ADD3: variants seen among roughly 807,000 people sequenced by gnomAD.
ADD3 encodes the protein adducin 3, also known as gamma-adducin.
ADD3 carries 25 observed loss-of-function variants against 80.2 expected under a neutral mutation model. The ratio of observed to expected loss-of-function variants is 0.31; its 90% CI spans 0.23 to 0.44. The LOEUF (loss-of-function observed/expected upper bound fraction) is 0.44. Among genes scored for constraint, ADD3 ranks in the 20% least tolerant of loss-of-function variants. The pLI, the probability that ADD3 is intolerant of heterozygous loss-of-function variation, is 1.00. For synonymous variants in ADD3, 284 were observed against 289.6 expected (o/e 0.98, Z 0.20); for missense variants, 829 against 847.5 (o/e 0.98, Z 0.27).
chr10:110,099,967 A>G (rs1848611647), intron 1 of ADD3, among the ~76,000 whole-genome samples: 2 of 152,176 alleles, frequency 1.3e-5, no homozygotes, highest in Admixed American at 1.3e-4. Flanking sequence ...ATGACTTTGC[A>G]TATGTGGTAT....
chr10:110,013,467 C>G (rs2132986376), intron 1 of ADD3, among the ~76,000 whole-genome samples: 1 of 152,216 alleles, frequency 6.6e-6, no homozygotes, highest in Admixed American at 6.5e-5. Context: ...TATGCAATTT[C>G]CATAGGATAA....
intron 1 of ADD3, among the ~76,000 whole-genome samples, chr10:109,997,900 A>G (rs976817230): frequency 6.6e-6 from 1 of 152,188 alleles, no homozygotes; most frequent in African/African-American, 2.4e-5. Context: ...CTAACTTTTA[A>G]TAACGATCTA....
intron 1 of ADD3, among the ~76,000 whole-genome samples, chr10:110,090,798 C>T (rs927894312): frequency 7.2e-5 from 11 of 152,050 alleles, no homozygotes; most frequent in African/African-American, 1.2e-4. Context: ...CATTTAGTAC[C>T]GCAGTGGGTT....
At chr10:110,080,042 A>G (rs1456162940) in intron 1 of ADD3, among the ~76,000 whole-genome samples, 1 of 152,230 alleles carries the variant, frequency 6.6e-6, no homozygotes, top group Non-Finnish European at 1.5e-5. Context: ...TAGGGAAGGT[A>G]TAATAGTGCT....
At position 110,008,037 on chromosome 10, in the gene ADD3, AG is replaced by A. The variant is rs1851824575; in HGVS notation, c.-291del. On this transcript the variant is annotated 5_prime_UTR_variant, in exon 1 of 15. Transcript: ENST00000356080. ...CGCCAGTGTGAGGGGCGGGAGGGAA[AG>A]AAGAGGGGTTTAAATTAGATTTTTT... is the stretch of plus-strand genomic sequence containing the variant. The A allele has an allele frequency of 6.6e-6, 1 of 151,988 alleles. No homozygotes were observed. The highest frequency in any genetic ancestry group is 1.5e-5 in the Non-Finnish European group (1 of 68,000). 9.4% of individuals were successfully genotyped at this position (151,988 alleles called of 1,614,324 possible).
At chr10:110,094,629 C>G (rs377091316) in intron 1 of ADD3, among the ~76,000 whole-genome samples, 6 of 152,100 alleles carry the variant, frequency 3.9e-5, no homozygotes, top group African/African-American at 1.4e-4. Flanking sequence ...CTGTCAATTT[C>G]CATGTCAGTT....
At chr10:110,052,559 C>T (rs1857641099) in intron 1 of ADD3, among the ~76,000 whole-genome samples, 1 of 152,188 alleles carries the variant, frequency 6.6e-6, no homozygotes, top group East Asian at 1.9e-4. Flanking sequence ...CCCTTTCTTC[C>T]CGACCCCCAG....
Position 110,119,223 on chromosome 10 carries a change from A to G in ADD3, c.730A>G (p.Lys244Glu). The change falls in exon 7 of 15, where the codon AAA (lysine) becomes GAA (glutamate). Residue 244 changes from lysine (K) to glutamate (E), a missense_variant. Lys to Glu is a moderately conservative substitution (Grantham distance 56). Transcript: ENST00000356080. ...CCAAACCAAATAGGTATCCTCCATG[A>G]AATGTGGGATCCTTCCAATTTCTCA... ...TLATAAVSSM[K>E]CGILPISQES... 6.2e-7 allele frequency: 1 copy of G among 1,614,140 alleles called. No individual in the cohort carries two copies. The highest frequency in any genetic ancestry group is 8.5e-7 in the Non-Finnish European group (1 of 1,180,002).
upstream of ADD3, chr10:110,007,907 G>T (rs1851801080): frequency 1.3e-5 from 2 of 149,324 alleles, no homozygotes; most frequent in African/African-American, 4.9e-5. Context: ...GACCGGGGGG[G>T]GCGCTTGGGG....
At position 110,133,834 on chromosome 10, in the gene ADD3, GT is replaced by G; in HGVS notation, c.*220del. The G allele has an allele frequency of 2.5e-6, 1 of 395,020 alleles. No homozygotes were observed. The highest frequency in any genetic ancestry group is 4.5e-6 in the Non-Finnish European group (1 of 223,516). 24.5% of individuals were successfully genotyped at this position (395,020 alleles called of 1,614,324 possible). A position where few individuals can be genotyped will look rare whatever the true frequency, so the allele number is the denominator to read the frequency against. ...GGCTTTGAATTTTAAGCAATTACTA[GT>G]TTTAATTAGCTCTGCCCTCATGAAG... On this transcript the variant is annotated 3_prime_UTR_variant, in exon 15 of 15. Transcript: ENST00000356080.
chr10:110,082,378 C>T (rs868766156), intron 1 of ADD3, among the ~76,000 whole-genome samples: 1 of 152,206 alleles, frequency 6.6e-6, no homozygotes, highest in African/African-American at 2.4e-5. Context: ...TTACTCTACA[C>T]ACTTCCTGTC....
chr10:110,061,575 G>T (rs1055689563), intron 1 of ADD3, among the ~76,000 whole-genome samples: 2 of 152,178 alleles, frequency 1.3e-5, no homozygotes, highest in Non-Finnish European at 2.9e-5. Context: ...AAATTCAGGT[G>T]CTTGTAGAGG....
intron 2 of ADD3, among the ~76,000 whole-genome samples, chr10:110,110,131 C>A (rs2134027815): frequency 6.6e-6 from 1 of 152,318 alleles, no homozygotes; most frequent in Middle Eastern, 3.4e-3. Flanking sequence ...TCAAATGTCA[C>A]AATTAGTATT....
chr10:110,116,743 G>A (rs1165613141), intron 4 of ADD3, among the ~76,000 whole-genome samples: 1 of 152,202 alleles, frequency 6.6e-6, no homozygotes, highest in African/African-American at 2.4e-5. Context: ...TTTGAGGCAA[G>A]GAAGATAGAG....
At chr10:110,056,154 C>A (rs1052503355) in intron 1 of ADD3, among the ~76,000 whole-genome samples, 1 of 152,188 alleles carries the variant, frequency 6.6e-6, no homozygotes, top group Non-Finnish European at 1.5e-5. Context: ...TGCTACCCTT[C>A]CTTGGCTCTT....
At position 110,123,602 on chromosome 10, in the gene ADD3, A is replaced by G. The variant is rs147622219; in HGVS notation, c.1144-415A>G. Among the ~76,000 whole-genome samples the G allele has an allele frequency of 3.7e-3, 557 of 152,234 alleles. 3 individuals carry two copies. Among genetic ancestry groups the G allele is most frequent in the African/African-American group, 0.013 (525 of 41,526 alleles). ...TGGATAGTAACCCCTTAAAAGATGT[A>G]TGGTTTGGCAAATGTTATTTTAGAT... On this transcript the variant is annotated intron_variant, in intron 9 of 14. Transcript: ENST00000356080.
chr10:110,015,386 T>G (rs1852842483), intron 1 of ADD3, among the ~76,000 whole-genome samples: 1 of 151,550 alleles, frequency 6.6e-6, no homozygotes. Flanking sequence ...GATTTTTTTT[T>G]TTTTTTTGAG....
rs11395254 is a variant in ADD3, at chr10:110,026,282, G to GTTTT, written c.-30+17996_-30+17999dup. 1.2e-3 allele frequency among the ~76,000 whole-genome samples: 160 copies of GTTTT among 135,684 alleles called. 3 individuals are homozygous for GTTTT. The highest frequency in any genetic ancestry group is 4.2e-3 in the African/African-American group (152 of 36,346). The allele number at this position is 135,684 out of a possible 152,430, so 89.0% of individuals were successfully genotyped here. ...TAGAACTTATGACCCCAGTTTTCTTGTTTTTTTTTTTTTTTTGAAACGGAG... is the reference window on the plus strand; with the variant it reads ...TAGAACTTATGACCCCAGTTTTCTTGTTTTTTTTTTTTTTTTTTTTGAAACGGAG... On this transcript the variant is annotated intron_variant, in intron 1 of 14. Coordinates refer to ENST00000356080, the MANE Select transcript of ADD3 (RefSeq NM_016824.5).
chr10:110,031,391 G>A lies in ADD3; in HGVS notation c.-30+23092G>A, dbSNP rs143903533. 3.4e-3 allele frequency among the ~76,000 whole-genome samples: 519 copies of A among 152,290 alleles called. 2 individuals are homozygous for A. Among genetic ancestry groups the A allele is most frequent in the Non-Finnish European group, 5.6e-3 (381 of 68,026 alleles). ...CATGAATCCTCACATCAGTTCCACC[G>A]GATTTATATTCTAAATTACGAAGAA... is the stretch of plus-strand genomic sequence containing the variant. On this transcript the variant is annotated intron_variant, in intron 1 of 14. Coordinates refer to ENST00000356080, the MANE Select transcript of ADD3 (RefSeq NM_016824.5).
Sources: gnomAD v4.1 joint callset for allele counts (sites outside exome capture counted in the v4.1 genomes callset) on GRCh38, gnomAD v4.1.1 for gene constraint, MANE v1.5 for transcripts, NCBI Gene and HGNC (gene_info 2026-07-23, HGNC 2026-07-21) for gene names.